BAALC: variants seen among roughly 807,000 people sequenced by gnomAD.
The protein encoded by BAALC is brain and acute leukemia cytoplasmic protein.
In BAALC, 9 loss-of-function variants were observed where a neutral mutation model predicts 15.5. The observed-to-expected ratio is 0.58, with a 90% CI of 0.35 to 1.02. The LOEUF is 1.02. Among genes scored for constraint, BAALC ranks in the 50% least tolerant of loss-of-function variants. BAALC has a pLI of 0.02. For missense variants in BAALC, 201 were observed against 192.4 expected, an observed-to-expected ratio of 1.04 and a Z score of -0.27; for synonymous variants, 80 against 74.6, an observed-to-expected ratio of 1.07 and a Z score of -0.37.
chr8:103,152,885 CA>C (rs1384740721), intron 1 of BAALC, among the ~76,000 whole-genome samples: 2 of 152,156 alleles, frequency 1.3e-5, no homozygotes, highest in Non-Finnish European at 2.9e-5. Context: ...CATCTTATTT[CA>C]AATGGGAAGA....
chr8:103,204,545 A>AT (rs1226700829), intron 1 of BAALC, among the ~76,000 whole-genome samples: 1 of 152,120 alleles, frequency 6.6e-6, no homozygotes, highest in Non-Finnish European at 1.5e-5. Context: ...GTGTTTTATG[A>AT]TTTTAGCCCT....
chr8:103,141,653 C>G (rs566828078), intron 1 of BAALC, among the ~76,000 whole-genome samples: 3 of 152,340 alleles, frequency 2.0e-5, no homozygotes, highest in African/African-American at 7.2e-5. Context: ...GCACCCCGCC[C>G]CATCGCTAGT....
chr8:103,162,938 G>C (rs1811261762), intron 1 of BAALC, among the ~76,000 whole-genome samples: 1 of 152,138 alleles, frequency 6.6e-6, no homozygotes, highest in Non-Finnish European at 1.5e-5. Context: ...TCTCACTGGG[G>C]AGAAGCAAAT....
chr8:103,220,062 T>C (rs1373613758), intron 2 of BAALC, among the ~76,000 whole-genome samples: 1 of 152,134 alleles, frequency 6.6e-6, no homozygotes, highest in African/African-American at 2.4e-5. Context: ...GGAGTCATGA[T>C]TTGGCTGTGT....
intron 1 of BAALC, among the ~76,000 whole-genome samples, chr8:103,154,315 TCA>T (rs1484184934): frequency 6.6e-6 from 1 of 152,104 alleles, no homozygotes; most frequent in Non-Finnish European, 1.5e-5. Flanking sequence ...CAGGTCTGTC[TCA>T]TTCTGAGCCC....
chr8:103,205,075 T>C (rs1323812991), intron 1 of BAALC, among the ~76,000 whole-genome samples: 1 of 152,182 alleles, frequency 6.6e-6, no homozygotes, highest in Non-Finnish European at 1.5e-5. Context: ...TTTCTGTCAT[T>C]GAGGAGAATG....
chr8:103,156,975 T>C (rs1471913245), intron 1 of BAALC: 2 of 152,362 alleles, frequency 1.3e-5, no homozygotes, highest in Non-Finnish European at 2.9e-5. Flanking sequence ...CCTTTAGCCA[T>C]ATTTGTCTCT....
chr8:103,160,782 C>T (rs1563638133), intron 1 of BAALC, among the ~76,000 whole-genome samples: 1 of 152,088 alleles, frequency 6.6e-6, no homozygotes. Context: ...GCAGGAAGCA[C>T]CCAGCACGGG....
chr8:103,144,692 C>T lies in BAALC; in HGVS notation c.160+3635C>T, dbSNP rs368691661. On this transcript the variant is annotated intron_variant, in intron 1 of 2. Transcript: ENST00000309982. ...TCTAATTTCTCCAGAGAAAACATTT[C>T]AAAACTTTCTAAAGGACTTGTACTT... is the stretch of plus-strand genomic sequence containing the variant. 9.9e-5 allele frequency among the ~76,000 whole-genome samples: 15 copies of T among 152,276 alleles called. No individual in the cohort carries two copies. The South Asian group carries it at 3.1e-3, about 32-fold the overall frequency.
chr8:103,221,903 C>T (rs1316712299), intron 2 of BAALC, among the ~76,000 whole-genome samples: 3 of 152,094 alleles, frequency 2.0e-5, no homozygotes, highest in African/African-American at 2.4e-5. Flanking sequence ...AGTATGTGCC[C>T]AAGGTGGTTG....
intron 1 of BAALC, among the ~76,000 whole-genome samples, chr8:103,199,095 C>G (rs973153003): frequency 6.6e-6 from 1 of 152,146 alleles, no homozygotes; most frequent in African/African-American, 2.4e-5. Flanking sequence ...TTCATTATTA[C>G]AGTGGTGTAA....
At position 103,179,275 on chromosome 8, in the gene BAALC, G is replaced by A. The variant is rs140113815; in HGVS notation, c.161-33644G>A. On this transcript the variant is annotated intron_variant, in intron 1 of 2. Coordinates refer to ENST00000309982, the MANE Select transcript of BAALC (RefSeq NM_024812.3). ...CACTGTAGGATGTTTAGTAGCATGT[G>A]TGGCCTCTACAGCTGAAACATCTCC... Among the ~76,000 whole-genome samples the A allele has an allele frequency of 8.1e-3, 1,235 of 152,296 alleles. 26 individuals carry two copies. Among genetic ancestry groups the A allele is most frequent in the African/African-American group, 0.028 (1,179 of 41,562 alleles).
At chr8:103,184,899 G>A (rs1811798730) in intron 1 of BAALC, among the ~76,000 whole-genome samples, 2 of 151,902 alleles carry the variant, frequency 1.3e-5, no homozygotes, top group African/African-American at 4.8e-5. Context: ...TTTATGACTT[G>A]CCTGAGTCTG....
rs750931684 is a variant in BAALC at position 103,228,062 on chromosome 8, A to C, written c.401A>C (p.Asp134Ala). ...GTAACAGATAGCATCCAACAGATGGACAGAAGTCGAAGAATCACAAAGAAC... is the reference window on the plus strand; with the variant it reads ...GTAACAGATAGCATCCAACAGATGGCCAGAAGTCGAAGAATCACAAAGAAC... The part of the protein sequence containing the change: ...INVTDSIQQM[D>A]RSRRITKNCV... Residue 134 changes from aspartate to alanine, a missense_variant, in exon 3 of 3, where the codon GAC becomes GCC. Asp to Ala is a moderately radical substitution (Grantham distance 126). Coordinates refer to ENST00000309982, the MANE Select transcript of BAALC (RefSeq NM_024812.3). The C allele has an allele frequency of 2.5e-6, 4 of 1,613,574 alleles. No homozygotes were observed. Among genetic ancestry groups the C allele is most frequent in the South Asian group, 1.1e-5 (1 of 91,026 alleles).
intron 1 of BAALC, among the ~76,000 whole-genome samples, chr8:103,192,817 A>G (rs1812001276): frequency 6.6e-6 from 1 of 152,134 alleles, no homozygotes; most frequent in East Asian, 1.9e-4. Context: ...TTAGCGAGAT[A>G]CATATGGCCA....
chr8:103,226,628 A>C (rs1170494684), intron 2 of BAALC, among the ~76,000 whole-genome samples: 2 of 152,230 alleles, frequency 1.3e-5, no homozygotes, highest in Non-Finnish European at 1.5e-5. Context: ...GGGGATGGAG[A>C]GTCAGGGACT....
At chr8:103,195,121 G>A (rs1327400009) in intron 1 of BAALC, among the ~76,000 whole-genome samples, 2 of 152,130 alleles carry the variant, frequency 1.3e-5, no homozygotes, top group Non-Finnish European at 2.9e-5. Context: ...GAATCAAAAA[G>A]TTTGGGAGTC....
At chr8:103,185,441 T>G (rs112064240) in intron 1 of BAALC, among the ~76,000 whole-genome samples, 7 of 152,362 alleles carry the variant, frequency 4.6e-5, no homozygotes, top group African/African-American at 1.7e-4. Flanking sequence ...TAGTTTGAAG[T>G]CTTTGCATTC....
rs550825563 is a variant in BAALC at position 103,213,240 on chromosome 8, C to T, written c.327+155C>T. 658 of 801,158 alleles carry T rather than the reference C, an allele frequency of 8.2e-4. 1 individual carries two copies. Among genetic ancestry groups the T allele is most frequent in the Non-Finnish European group, 1.2e-3 (618 of 534,606 alleles). 49.6% of individuals were successfully genotyped at this position (801,158 alleles called of 1,614,324 possible). ...TGCCCCACCCATGTAAAAATTGCTG[C>T]AAACCCCACCCCAAAACCCTGCCTT... On this transcript the variant is annotated intron_variant, in intron 2 of 2. Coordinates refer to ENST00000309982, the MANE Select transcript of BAALC (RefSeq NM_024812.3).
Sources: gnomAD v4.1 joint callset for allele counts (sites outside exome capture counted in the v4.1 genomes callset) on GRCh38, gnomAD v4.1.1 for gene constraint, MANE v1.5 for transcripts, NCBI Gene and HGNC (gene_info 2026-07-23, HGNC 2026-07-21) for gene names.